Variants in KCNH1 observed in about 807,000 individuals in gnomAD.
The protein encoded by KCNH1 is voltage-gated delayed rectifier potassium channel KCNH1.
In KCNH1, 27 loss-of-function variants were observed where a neutral mutation model predicts 69.2. The observed-to-expected ratio is 0.39, with a 90% CI of 0.29 to 0.54. KCNH1 has a LOEUF of 0.54. Ranked by LOEUF, KCNH1 falls within the 20% of genes least tolerant of loss-of-function variation. The probability of loss-of-function intolerance (pLI) is 0.68; values close to 1 mark genes in which losing one functional copy is unlikely to be tolerated. For synonymous variants in KCNH1, 456 were observed against 487.7 expected (o/e 0.93, Z 0.86); for missense variants, 798 against 1,261.6 (o/e 0.63, Z 5.57).
intron 9 of KCNH1, among the ~76,000 whole-genome samples, chr1:210,782,106 C>T (rs1683998232): frequency 6.6e-6 from 1 of 152,164 alleles, no homozygotes; most frequent in African/African-American, 2.4e-5. Context: ...TTATTTATGT[C>T]CTCTTCATTC....
chr1:210,703,687 G>A (rs945854919), intron 10 of KCNH1, among the ~76,000 whole-genome samples: 1 of 152,150 alleles, frequency 6.6e-6, no homozygotes, highest in Non-Finnish European at 1.5e-5. Flanking sequence ...TCTCCCATAA[G>A]ATCTCTGAGG....
intron 5 of KCNH1, among the ~76,000 whole-genome samples, chr1:211,081,162 T>C (rs774412778): frequency 9.9e-5 from 15 of 152,078 alleles, no homozygotes; most frequent in Non-Finnish European, 1.5e-4. Flanking sequence ...GCAAAAGATA[T>C]GAACAGACAC....
At chr1:210,741,251 C>T (rs1683022967) in intron 10 of KCNH1, among the ~76,000 whole-genome samples, 1 of 152,146 alleles carries the variant, frequency 6.6e-6, no homozygotes, top group Admixed American at 6.5e-5. Context: ...TTATTTTGGC[C>T]TGTGTAATCA....
At chr1:210,769,554 CAA>C (rs1443135170) in intron 10 of KCNH1, among the ~76,000 whole-genome samples, 1 of 152,164 alleles carries the variant, frequency 6.6e-6, no homozygotes, top group Non-Finnish European at 1.5e-5. Context: ...CTGCACAAAA[CAA>C]ACTCTATACA....
chr1:211,004,535 G>A (rs1033349697), intron 6 of KCNH1, among the ~76,000 whole-genome samples: 3 of 151,938 alleles, frequency 2.0e-5, no homozygotes, highest in Non-Finnish European at 4.4e-5. Context: ...AAAGTTAACA[G>A]AAAGGTGAAT....
intron 5 of KCNH1, among the ~76,000 whole-genome samples, chr1:211,056,620 A>G (rs1260390960): frequency 2.6e-5 from 4 of 152,202 alleles, no homozygotes; most frequent in Non-Finnish European, 5.9e-5. Context: ...GGTCTAACCT[A>G]GTACAGTATC....
At chr1:210,833,648 C>A (rs1452153417) in intron 7 of KCNH1, among the ~76,000 whole-genome samples, 1 of 151,996 alleles carries the variant, frequency 6.6e-6, no homozygotes. Context: ...TCTAAAACAC[C>A]AAAAGCAATG....
chr1:210,707,168 G>A (rs556700905), intron 10 of KCNH1, among the ~76,000 whole-genome samples: 79 of 152,264 alleles, frequency 5.2e-4, no homozygotes, highest in South Asian at 5.2e-3. Flanking sequence ...GAGTCTGGTA[G>A]GCGTGAGCAA....
intron 6 of KCNH1, among the ~76,000 whole-genome samples, chr1:210,971,364 A>T (rs374355840): frequency 6.6e-6 from 1 of 152,324 alleles, no homozygotes; most frequent in African/African-American, 2.4e-5. Context: ...AGTTGAGTCC[A>T]TTCACACTAG....
rs758026291 is a variant in KCNH1, at chr1:210,922,383, C to CAAAAAAAAA, written c.1033-2323_1033-2315dup. On this transcript the variant is annotated intron_variant, in intron 6 of 10. Coordinates refer to ENST00000271751, the MANE Select transcript of KCNH1 (RefSeq NM_172362.3). ...TGGGCAACAGAGCGAGACTCCGTCT[C>CAAAAAAAAA]AAAAAAAAAAAAAAAAAAAAAAAAA... Among the ~76,000 whole-genome samples, 26 of 98,306 alleles carry CAAAAAAAAA rather than the reference C, an allele frequency of 2.6e-4. 1 individual carries two copies. The East Asian group carries it at 4.3e-3, about 16-fold the overall frequency. The allele number at this position is 98,306 out of a possible 152,430, so 64.5% of individuals were successfully genotyped here.
At chr1:210,803,155 T>A (rs983194213) in intron 8 of KCNH1, among the ~76,000 whole-genome samples, 1 of 152,044 alleles carries the variant, frequency 6.6e-6, no homozygotes, top group Non-Finnish European at 1.5e-5. Context: ...AAGGCTAGAG[T>A]GCAGTGGCAT....
chr1:210,740,174 A>G (rs753851350), intron 10 of KCNH1, among the ~76,000 whole-genome samples: 28 of 152,220 alleles, frequency 1.8e-4, no homozygotes, highest in Non-Finnish European at 3.2e-4. Flanking sequence ...AGACAGATAA[A>G]GATGAACAAG....
intron 6 of KCNH1, among the ~76,000 whole-genome samples, chr1:211,000,723 G>C (rs528080050): frequency 6.6e-6 from 1 of 152,146 alleles, no homozygotes; most frequent in Non-Finnish European, 1.5e-5. Context: ...TAAGGCAAAA[G>C]AACAAAGCTG....
Position 210,743,347 on chromosome 1 carries a change from G to A in KCNH1, c.2112+32001C>T, listed in dbSNP as rs968806593. 7.2e-5 allele frequency among the ~76,000 whole-genome samples: 11 copies of A among 152,284 alleles called. No homozygotes were observed. The South Asian group carries it at 2.3e-3, about 32-fold the overall frequency. ...GGGAGAGCAGCTTTCCCAGCAAGGC[G>A]AGGCAGCCTCACAGAAAGCCTTTGG... is the stretch of plus-strand genomic sequence containing the variant. On this transcript the variant is annotated intron_variant, in intron 10 of 10. Coordinates refer to ENST00000271751, the MANE Select transcript of KCNH1 (RefSeq NM_172362.3).
intron 5 of KCNH1, among the ~76,000 whole-genome samples, chr1:211,077,037 A>C (rs1479873380): frequency 6.6e-6 from 1 of 152,216 alleles, no homozygotes; most frequent in Non-Finnish European, 1.5e-5. Flanking sequence ...TAATAAAATA[A>C]AGTGAGAGGA....
At chr1:211,025,973 G>A in intron 5 of KCNH1, among the ~76,000 whole-genome samples, 1 of 152,074 alleles carries the variant, frequency 6.6e-6, no homozygotes, top group East Asian at 1.9e-4. Context: ...AGAGTTCAGG[G>A]CCTTTGCAGC....
At chr1:210,703,107 A>G (rs531578644) in intron 10 of KCNH1, among the ~76,000 whole-genome samples, 43 of 152,308 alleles carry the variant, frequency 2.8e-4, no homozygotes, top group Admixed American at 5.9e-4. Flanking sequence ...CTAACTAAGG[A>G]TCCAGAAGTC....
At chr1:210,733,602 C>T (rs1682798313) in intron 10 of KCNH1, among the ~76,000 whole-genome samples, 1 of 152,154 alleles carries the variant, frequency 6.6e-6, no homozygotes, top group Non-Finnish European at 1.5e-5. Context: ...TAAGCTGCAC[C>T]AGCTGTGGGC....
intron 7 of KCNH1, among the ~76,000 whole-genome samples, chr1:210,833,760 G>A (rs1320584827): frequency 2.0e-5 from 3 of 151,944 alleles, no homozygotes; most frequent in Non-Finnish European, 4.4e-5. Flanking sequence ...CCACAAAATG[G>A]GAGAAAATTT....
Sources: gnomAD v4.1 joint callset for allele counts (sites outside exome capture counted in the v4.1 genomes callset) on GRCh38, gnomAD v4.1.1 for gene constraint, MANE v1.5 for transcripts, NCBI Gene and HGNC (gene_info 2026-07-23, HGNC 2026-07-21) for gene names.